Variants in DTNB observed in about 807,000 individuals in gnomAD.
The protein encoded by DTNB is dystrobrevin beta, also known as DTN-B.
A neutral mutation model predicts 90.7 loss-of-function variants in DTNB; 63 were observed. The ratio of observed to expected loss-of-function variants is 0.69; its 90% confidence interval spans 0.57 to 0.86. The LOEUF (loss-of-function observed/expected upper bound fraction) is 0.86, where lower values mean the gene tolerates loss of function less well. Ranked by LOEUF, DTNB falls within the 40% of genes least tolerant of loss-of-function variation. The pLI, the probability that DTNB is intolerant of heterozygous loss-of-function variation, is 0.00. For missense variants in DTNB, 744 were observed against 807.1 expected (o/e 0.92, Z 0.95); for synonymous variants, 277 against 286.7 (o/e 0.97, Z 0.34).
Position 25,520,553 on chromosome 2 carries a change from C to T in DTNB, c.1001+10920G>A, listed in dbSNP as rs529431643. Among the ~76,000 whole-genome samples, 17 of 152,308 alleles carry T rather than the reference C, an allele frequency of 1.1e-4. No individual in the cohort carries two copies. In the South Asian group the frequency reaches 3.3e-3, roughly 30 times the overall value. Reference sequence around the variant, plus strand: ...ACAAGAAGTTAGACTTGTTCTTTCACAGGGTTACAAATGGTCTTATATTAT... The same window carrying T: ...ACAAGAAGTTAGACTTGTTCTTTCATAGGGTTACAAATGGTCTTATATTAT... On this transcript the variant is annotated intron_variant, in intron 9 of 20. Transcript: ENST00000406818.
intron 10 of DTNB, among the ~76,000 whole-genome samples, chr2:25,476,318 C>T (rs1348244166): frequency 6.6e-6 from 1 of 152,172 alleles, no homozygotes; most frequent in African/African-American, 2.4e-5. Flanking sequence ...ATCCACCTGC[C>T]TCGGCCTCCC....
chr2:25,606,572 G>T (rs1346275379), intron 5 of DTNB, among the ~76,000 whole-genome samples: 1 of 151,984 alleles, frequency 6.6e-6, no homozygotes, highest in Non-Finnish European at 1.5e-5. Flanking sequence ...CACAATTCTT[G>T]GCATATCTTA....
intron 5 of DTNB, among the ~76,000 whole-genome samples, chr2:25,600,868 T>C (rs917098715): frequency 6.6e-6 from 1 of 152,174 alleles, no homozygotes; most frequent in African/African-American, 2.4e-5. Flanking sequence ...TATGAATAGA[T>C]TCAAAGTAAT....
intron 16 of DTNB, among the ~76,000 whole-genome samples, chr2:25,400,511 T>C (rs1419911962): frequency 6.6e-6 from 1 of 152,304 alleles, no homozygotes; most frequent in East Asian, 1.9e-4. Flanking sequence ...ACAGGAAACC[T>C]GAGAAACACC....
chr2:25,531,551 C>T lies in DTNB; in HGVS notation c.923G>A (p.Gly308Glu). The T allele has an allele frequency of 6.2e-7, 1 of 1,613,582 alleles. No homozygotes were observed. The highest frequency in any genetic ancestry group is 8.5e-7 in the Non-Finnish European group (1 of 1,179,800). ...KLSHAISKSL[G>E]CVPTREPPHP... Reference sequence around the variant, plus strand: ...CGGGGGTTCTCTCGTGGGTACACACCCCAAAGATTTACTAATTGCATGGCT... The same window carrying T: ...CGGGGGTTCTCTCGTGGGTACACACTCCAAAGATTTACTAATTGCATGGCT... Residue 308 changes from glycine to glutamate, a missense_variant, in exon 9 of 21, where the codon GGG becomes GAG. Coordinates refer to ENST00000406818, the MANE Select transcript of DTNB (RefSeq NM_021907.5).
At chr2:25,408,155 A>C (rs1459679470) in intron 16 of DTNB, among the ~76,000 whole-genome samples, 2 of 152,014 alleles carry the variant, frequency 1.3e-5, no homozygotes. Flanking sequence ...AAAATACAAA[A>C]AAAATTAGCC....
At chr2:25,480,912 G>A (rs1251085901) in intron 10 of DTNB, among the ~76,000 whole-genome samples, 1 of 152,188 alleles carries the variant, frequency 6.6e-6, no homozygotes, top group Non-Finnish European at 1.5e-5. Flanking sequence ...AGGTGGGACA[G>A]GCTTAATTGC....
At chr2:25,606,252 A>G (rs2067077700) in intron 5 of DTNB, among the ~76,000 whole-genome samples, 1 of 151,788 alleles carries the variant, frequency 6.6e-6, no homozygotes, top group Admixed American at 6.6e-5. Flanking sequence ...CCGGGCTCAC[A>G]GGGTACCACA....
chr2:25,560,788 A>C (rs901933553), intron 8 of DTNB, among the ~76,000 whole-genome samples: 2 of 152,174 alleles, frequency 1.3e-5, no homozygotes, highest in Non-Finnish European at 2.9e-5. Flanking sequence ...ACTTTCCTAG[A>C]GCTTGCAGAG....
At chr2:25,519,193 T>A (rs2075694617) in intron 9 of DTNB, among the ~76,000 whole-genome samples, 1 of 151,726 alleles carries the variant, frequency 6.6e-6, no homozygotes, top group African/African-American at 2.4e-5. Flanking sequence ...CAAGACCCCA[T>A]CACTTCAAAA....
chr2:25,501,693 A>G (rs1293013307), intron 9 of DTNB, among the ~76,000 whole-genome samples: 1 of 152,184 alleles, frequency 6.6e-6, no homozygotes, highest in Non-Finnish European at 1.5e-5. Flanking sequence ...TTTAAAGTCT[A>G]TATTTTAGGG....
chr2:25,563,887 TTTTTTTC>T (rs1031326670), intron 8 of DTNB, among the ~76,000 whole-genome samples: 4 of 152,200 alleles, frequency 2.6e-5, no homozygotes, highest in Non-Finnish European at 2.9e-5. Context: ...TGCTATTCTT[TTTTTTTC>T]TTTTTTCTTT....
chr2:25,427,474 G>T, intron 15 of DTNB, 61 bp downstream of exon 15: 1 of 1,519,646 alleles, frequency 6.6e-7, no homozygotes. Context: ...CAGGGAGGCA[G>T]CAGCTGAGGC....
intron 1 of DTNB, among the ~76,000 whole-genome samples, chr2:25,658,397 C>T (rs546659273): frequency 2.6e-5 from 4 of 152,284 alleles, no homozygotes; most frequent in South Asian, 2.1e-4. Flanking sequence ...TCTTACCATA[C>T]GATCCAATAA....
At chr2:25,600,186 G>A (rs937168142) in intron 5 of DTNB, among the ~76,000 whole-genome samples, 1 of 152,218 alleles carries the variant, frequency 6.6e-6, no homozygotes, top group African/African-American at 2.4e-5. Flanking sequence ...CATGGGAGGT[G>A]GCAGACACTG....
intron 8 of DTNB, among the ~76,000 whole-genome samples, chr2:25,567,986 G>A (rs147063416): frequency 8.6e-4 from 131 of 152,034 alleles, no homozygotes; most frequent in Middle Eastern, 3.4e-3. Context: ...TGGTGAAACC[G>A]CATCTCTACT....
At chr2:25,466,303 C>G (rs1249799583) in intron 10 of DTNB, among the ~76,000 whole-genome samples, 1 of 152,204 alleles carries the variant, frequency 6.6e-6, no homozygotes, top group African/African-American at 2.4e-5. Flanking sequence ...CCACTGTACT[C>G]CAGCCTGGGC....
intron 2 of DTNB, among the ~76,000 whole-genome samples, chr2:25,641,674 G>A (rs1013559711): frequency 1.3e-5 from 2 of 152,082 alleles, no homozygotes; most frequent in African/African-American, 2.4e-5. Flanking sequence ...CTGTGCTTTC[G>A]TGAAAAAGGA....
intron 9 of DTNB, among the ~76,000 whole-genome samples, chr2:25,513,599 C>T (rs745521998): frequency 1.3e-5 from 2 of 151,798 alleles, no homozygotes; most frequent in Non-Finnish European, 2.9e-5. Flanking sequence ...TGCGGGTGTC[C>T]GTAGTCCTAG....
Sources: gnomAD v4.1 joint callset for allele counts (sites outside exome capture counted in the v4.1 genomes callset) on GRCh38, gnomAD v4.1.1 for gene constraint, MANE v1.5 for transcripts, NCBI Gene and HGNC (gene_info 2026-07-23, HGNC 2026-07-21) for gene names.